The following PPP1R3B variants were observed in gnomAD, a reference collection of about 807,000 sequenced individuals.
PPP1R3B encodes PP1 subunit R4.
A neutral mutation model predicts 14.6 loss-of-function variants in PPP1R3B; 8 were observed. The ratio of observed to expected loss-of-function variants is 0.55; its 90% CI spans 0.32 to 0.99. The LOEUF is 0.99. Ranked by LOEUF, PPP1R3B falls within the 50% of genes least tolerant of loss-of-function variation. The pLI, the probability that PPP1R3B is intolerant of heterozygous loss-of-function variation, is 0.04. For missense variants in PPP1R3B, 452 were observed against 360.1 expected (o/e 1.26, Z -2.07); for synonymous variants, 169 against 142.0 (o/e 1.19, Z -1.35).
At chr8:9,141,976 G>C (rs1345109487) in intron 1 of PPP1R3B, among the ~76,000 whole-genome samples, 5 of 152,260 alleles carry the variant, frequency 3.3e-5, no homozygotes, top group Non-Finnish European at 7.4e-5. Context: ...ATTTCTTGGG[G>C]CCTTCCGTTG....
chr8:9,141,169 T>A lies in PPP1R3B; in HGVS notation c.483A>T (p.Lys161Asn). 6.2e-7 allele frequency: 1 copy of A among 1,614,228 alleles called. No individual in the cohort carries two copies. The highest frequency in any genetic ancestry group is 1.7e-5 in the Admixed American group (1 of 60,036). Residue 161 changes from lysine (K) to asparagine (N), a missense_variant, in exon 2 of 2, where the codon AAA (lysine) becomes AAT (asparagine). Coordinates refer to ENST00000310455, the MANE Select transcript of PPP1R3B (RefSeq NM_024607.4). Reference protein sequence around the residue: ...VQNLAFEKTVKIRMTFDTWKS... With the variant: ...VQNLAFEKTVNIRMTFDTWKS... Reference sequence around the variant, plus strand: ...TCCAGGTGTCGAACGTCATCCTTATTTTCACGGTCTTCTCAAATGCGAGGT... The same window carrying A: ...TCCAGGTGTCGAACGTCATCCTTATATTCACGGTCTTCTCAAATGCGAGGT...
chr8:9,143,805 GAATA>G (rs1310516224), intron 1 of PPP1R3B, among the ~76,000 whole-genome samples: 1 of 152,026 alleles, frequency 6.6e-6, no homozygotes, highest in African/African-American at 2.4e-5. Context: ...GGCTCTATAA[GAATA>G]AAAAGCAAAG....
At chr8:9,145,763 T>C (rs1801223213) in intron 1 of PPP1R3B, among the ~76,000 whole-genome samples, 2 of 152,248 alleles carry the variant, frequency 1.3e-5, no homozygotes, top group African/African-American at 4.8e-5. Context: ...TTATATCTTC[T>C]AAAATAATAT....
chr8:9,141,498 G>C lies in PPP1R3B; in HGVS notation c.154C>G (p.Pro52Ala). Residue 52 changes from proline (P) to alanine (A), a missense_variant, in exon 2 of 2, where the codon CCG becomes GCG. By Grantham distance (27) the Pro-to-Ala change is conservative. Transcript: ENST00000310455. ...SKNEASGMVA[P>A]AVQEKKVKKR... ...TTCACCTTCTTCTCCTGGACAGCCG[G>C]GGCCACCATTCCACTGGCTTCATTC... 1 of 1,614,100 alleles carries C rather than the reference G, an allele frequency of 6.2e-7. No individual in the cohort carries two copies. The highest frequency in any genetic ancestry group is 8.5e-7 in the Non-Finnish European group (1 of 1,180,024).
At chr8:9,150,441 C>G (rs1801387290) in intron 1 of PPP1R3B, 122 bp downstream of exon 1, 1 of 152,766 alleles carries the variant, frequency 6.5e-6, no homozygotes, top group South Asian at 2.1e-4. Context: ...CAGGCCAGTG[C>G]TCTCCAGGCT....
intron 1 of PPP1R3B, among the ~76,000 whole-genome samples, chr8:9,146,877 T>TA (rs1051663742): frequency 4.5e-4 from 69 of 152,304 alleles, no homozygotes; most frequent in African/African-American, 1.6e-3. Flanking sequence ...ATCCTATACT[T>TA]ACAAAATATC....
At chr8:9,144,633 A>G (rs957305381) in intron 1 of PPP1R3B, among the ~76,000 whole-genome samples, 1 of 152,256 alleles carries the variant, frequency 6.6e-6, no homozygotes, top group African/African-American at 2.4e-5. Context: ...AAAATGTTCA[A>G]TGCCACATTA....
intron 1 of PPP1R3B, among the ~76,000 whole-genome samples, chr8:9,143,344 T>C (rs952557935): frequency 3.9e-5 from 6 of 152,322 alleles, no homozygotes; most frequent in South Asian, 2.1e-4. Flanking sequence ...ATAGTGAAGA[T>C]AGACACAAAC....
At chr8:9,151,226 G>A (rs1283893360), upstream of PPP1R3B, 1 of 152,646 alleles carries the variant, frequency 6.6e-6, no homozygotes, top group African/African-American at 2.4e-5. Context: ...GCCCCGGTGT[G>A]CCAGTGCAAG....
At chr8:9,150,727 A>G (rs1801400231), upstream of PPP1R3B, 1 of 152,290 alleles carries the variant, frequency 6.6e-6, no homozygotes, top group Non-Finnish European at 1.5e-5. Context: ...GAGGAGGAGG[A>G]GCCCGTTATC....
chr8:9,141,555 G>GT lies in PPP1R3B; in HGVS notation c.96dup (p.Pro33ThrfsTer13). On this transcript the variant is annotated frameshift_variant, in exon 2 of 2. Transcript: ENST00000310455. LOFTEE classifies it high-confidence loss of function. ...CTCAGCTGAATACAAGGCCTCAGTG[G>GT]TTTGCTGGGCTTTGGTGAGATCTTA... 1 of 1,614,162 alleles carries GT rather than the reference G, an allele frequency of 6.2e-7. No homozygotes were observed. The highest frequency in any genetic ancestry group is 8.5e-7 in the Non-Finnish European group (1 of 1,180,048).
Position 9,138,399 on chromosome 8 carries a change from T to A in PPP1R3B, c.*2395A>T, listed in dbSNP as rs1184928291. The A allele has an allele frequency of 6.6e-6, 1 of 152,206 alleles. No individual in the cohort carries two copies. Among genetic ancestry groups the A allele is most frequent in the Admixed American group, 6.5e-5 (1 of 15,286 alleles). 9.4% of individuals were successfully genotyped at this position (152,206 alleles called of 1,614,324 possible). ...AAAAACAAAGCATTAGATTTCAGGC[T>A]AAGAACAGCCAGTTTTAGGAGTAAG... is the stretch of plus-strand genomic sequence containing the variant. On this transcript the variant is annotated 3_prime_UTR_variant, in exon 2 of 2. Coordinates refer to ENST00000310455, the MANE Select transcript of PPP1R3B (RefSeq NM_024607.4).
chr8:9,144,192 T>C (rs1157453016), intron 1 of PPP1R3B, among the ~76,000 whole-genome samples: 8 of 151,304 alleles, frequency 5.3e-5, no homozygotes, highest in Admixed American at 4.6e-4. Flanking sequence ...TTTCTTTTTT[T>C]TTTTTTTTTG....
chr8:9,147,794 A>G (rs377608021), intron 1 of PPP1R3B, among the ~76,000 whole-genome samples: 3,951 of 151,566 alleles, frequency 0.026, 146 homozygotes, highest in South Asian at 0.14. Context: ...TAATTAAACA[A>G]TGCTGCTGGC....
Position 9,141,045 on chromosome 8 carries a change from G to A in PPP1R3B, c.607C>T (p.Gln203Ter). ...GCAAACTCCATTCTTTCATAAGACT[G>A]AATCTTCTCGGGCAAGCTGATGTCG... The part of the protein sequence containing the change: ...SFDISLPEKI[Q>*]SYERMEFAVY... The change falls in exon 2 of 2, where the codon CAG becomes TAG. Residue 203 changes from glutamine to a stop codon, truncating the protein, a stop_gained. Transcript: ENST00000310455. LOFTEE classifies it high-confidence loss of function. The A allele has an allele frequency of 6.2e-7, 1 of 1,614,202 alleles. No individual in the cohort carries two copies. Among genetic ancestry groups the A allele is most frequent in the Non-Finnish European group, 8.5e-7 (1 of 1,180,044 alleles).
In PPP1R3B at chr8:9,141,321, C is replaced by T. The variant is rs995040521; in HGVS notation, c.331G>A (p.Val111Ile). 1.9e-6 allele frequency: 3 copies of T among 1,614,046 alleles called. No homozygotes were observed. The highest frequency in any genetic ancestry group is 2.7e-5 in the African/African-American group (2 of 74,918). The change falls in exon 2 of 2, where the codon GTT becomes ATT. Residue 111 changes from valine to isoleucine, a missense_variant. Physicochemically the swap from Val to Ile is conservative, Grantham distance 29. Coordinates refer to ENST00000310455, the MANE Select transcript of PPP1R3B (RefSeq NM_024607.4). ...GCAGAGGGCTGGGAAAAATCCAGAA[C>T]AAAGCTCTCGCTCTCTGCTGTCGTC... is the stretch of plus-strand genomic sequence containing the variant. ...SLTTAESESF[V>I]LDFSQPSADY...
rs1801098837 is a variant in PPP1R3B at position 9,141,737 on chromosome 8, G to C, written c.-17-69C>G. The C allele has an allele frequency of 2.8e-6, 4 of 1,443,810 alleles. No individual in the cohort carries two copies. The South Asian group carries it at 3.9e-5, about 14-fold the overall frequency. The allele number at this position is 1,443,810 out of a possible 1,614,324, so 89.4% of individuals were successfully genotyped here. A position where few individuals can be genotyped will look rare whatever the true frequency, so the allele number is the denominator to read the frequency against. Reference sequence around the variant, plus strand: ...AATCAGATCAGACAGATGTGTAAAGGCATCATTCCAGCAGGGACTGGCAAA... The same window carrying C: ...AATCAGATCAGACAGATGTGTAAAGCCATCATTCCAGCAGGGACTGGCAAA... On this transcript the variant is annotated intron_variant, in intron 1 of 1. Coordinates refer to ENST00000310455, the MANE Select transcript of PPP1R3B (RefSeq NM_024607.4).
At chr8:9,148,866 A>AT (rs1407742139) in intron 1 of PPP1R3B, among the ~76,000 whole-genome samples, 1 of 152,130 alleles carries the variant, frequency 6.6e-6, no homozygotes, top group South Asian at 2.1e-4. Context: ...CCATTCTCTT[A>AT]TTCTCTCTCT....
At chr8:9,143,496 G>A (rs932364172) in intron 1 of PPP1R3B, among the ~76,000 whole-genome samples, 2 of 152,214 alleles carry the variant, frequency 1.3e-5, no homozygotes, top group Non-Finnish European at 2.9e-5. Context: ...GAGGTCAGGA[G>A]TTTGAGACCA....
Sources: gnomAD v4.1 joint callset for allele counts (sites outside exome capture counted in the v4.1 genomes callset) on GRCh38, gnomAD v4.1.1 for gene constraint, MANE v1.5 for transcripts, NCBI Gene and HGNC (gene_info 2026-07-23, HGNC 2026-07-21) for gene names.